COL11A1: variants seen among roughly 807,000 people sequenced by gnomAD.
COL11A1 encodes collagen alpha-1(XI) chain.
In COL11A1, 74 loss-of-function variants were observed where a neutral mutation model predicts 265.2. The ratio of observed to expected loss-of-function variants is 0.28; its 90% CI spans 0.23 to 0.34. The LOEUF (loss-of-function observed/expected upper bound fraction) is 0.34. Ranked by LOEUF, COL11A1 falls within the 10% of genes least tolerant of loss-of-function variation. The probability of loss-of-function intolerance (pLI) is 1.00; values close to 1 mark genes in which losing one functional copy is unlikely to be tolerated. For missense variants in COL11A1, 2,165 were observed against 2,263.6 expected (o/e 0.96, Z 0.88); for synonymous variants, 816 against 727.6 (o/e 1.12, Z -1.96).
chr1:102,921,470 A>G lies in COL11A1; in HGVS notation c.3708+48T>C, dbSNP rs772001670. The stretch of plus-strand genomic sequence containing the variant: ...AAAGAGCATCTGCTATAAAATAACA[A>G]TACCTATATAACTTCAAAATAATTA... On this transcript the variant is annotated intron_variant, in intron 48 of 66. Transcript: ENST00000370096. 5.0e-6 allele frequency: 7 copies of G among 1,413,510 alleles called. No individual in the cohort carries two copies. The Admixed American group carries it at 8.6e-5, about 17-fold the overall frequency. The allele number at this position is 1,413,510 out of a possible 1,614,324, so 87.6% of individuals were successfully genotyped here.
rs1053300791 is a variant in COL11A1 at position 102,902,640 on chromosome 1, C to T, written c.4087-3646G>A. Among the ~76,000 whole-genome samples the T allele has an allele frequency of 4.6e-5, 7 of 151,838 alleles. 1 individual carries two copies. In the Middle Eastern group the frequency reaches 0.01, roughly 223 times the overall value. On this transcript the variant is annotated intron_variant, in intron 54 of 66. Coordinates refer to ENST00000370096, the MANE Select transcript of COL11A1 (RefSeq NM_001854.4). ...ATGCAGACCTTGTTTTCATAATGACCTTACTTGGAAGGCACAGTTTTGTAC... is the reference window on the plus strand; with the variant it reads ...ATGCAGACCTTGTTTTCATAATGACTTTACTTGGAAGGCACAGTTTTGTAC...
chr1:103,015,522 G>T (rs745586956), intron 12 of COL11A1, 146 bp downstream of exon 12: 1 of 578,722 alleles, frequency 1.7e-6, no homozygotes, highest in Non-Finnish European at 2.9e-6. Context: ...AAATTTCCCT[G>T]AATTTCCAAA....
intron 31 of COL11A1, 90 bp downstream of exon 31, chr1:102,984,048 A>G: frequency 2.1e-6 from 2 of 935,220 alleles, no homozygotes; most frequent in South Asian, 1.4e-5. Flanking sequence ...TCATGATAAT[A>G]TAGAGATGTT....
Position 102,914,359 on chromosome 1 carries a change from C to G in COL11A1, c.3971G>C (p.Gly1324Ala). ...TTTTTCCCTGATACTTACTGCAGGG[C>G]CAGGTTCCCCAGGAGGACCAGGATC... ...PGDPGPPGEP[G>A]PAGQDGVGGD... is the part of the protein sequence containing the mutation. Residue 1324 changes from glycine (G) to alanine (A), a missense_variant, in exon 52 of 67, where the codon GGC (glycine) becomes GCC (alanine). Physicochemically the swap from Gly to Ala is moderately conservative, Grantham distance 60. Transcript: ENST00000370096. 2 of 1,607,382 alleles carry G rather than the reference C, an allele frequency of 1.2e-6. No homozygotes were observed. The highest frequency in any genetic ancestry group is 1.7e-6 in the Non-Finnish European group (2 of 1,175,350).
chr1:102,966,745 ATG>A (rs1661438229), intron 37 of COL11A1, among the ~76,000 whole-genome samples: 1 of 152,152 alleles, frequency 6.6e-6, no homozygotes, highest in Non-Finnish European at 1.5e-5. Context: ...GCATATGTGT[ATG>A]TGTGTCCCTG....
chr1:102,959,752 T>C (rs1244564578), intron 41 of COL11A1, among the ~76,000 whole-genome samples: 3 of 152,204 alleles, frequency 2.0e-5, no homozygotes, highest in South Asian at 4.1e-4. Context: ...ATATTTCAAT[T>C]AACATTTTGA....
intron 42 of COL11A1, among the ~76,000 whole-genome samples, chr1:102,945,997 A>G (rs1242843316): frequency 4.9e-5 from 7 of 143,762 alleles, no homozygotes; most frequent in South Asian, 2.4e-4. Flanking sequence ...CTATGCAGCC[A>G]TAAAAAATGA....
rs1654945230 is a variant in COL11A1, at chr1:102,913,514, T to C, written c.4032+123A>G. 3.3e-6 allele frequency: 3 copies of C among 898,710 alleles called. No individual in the cohort carries two copies. In the East Asian group the frequency reaches 7.5e-5, roughly 23 times the overall value. 55.7% of individuals were successfully genotyped at this position (898,710 alleles called of 1,614,324 possible). ...GGGAATTCAAAAATTTTTTTGATAA[T>C]TCTTTCAAAAAAGTGCATATACATA... On this transcript the variant is annotated intron_variant, in intron 53 of 66. Transcript: ENST00000370096.
chr1:102,988,122 C>A (rs1388862802), intron 29 of COL11A1, among the ~76,000 whole-genome samples: 2 of 152,092 alleles, frequency 1.3e-5, no homozygotes, highest in Non-Finnish European at 2.9e-5. Context: ...CTACGTAGAA[C>A]ATAAGATTAG....
chr1:102,965,552 A>G lies in COL11A1; in HGVS notation c.2863-12T>C. ...TTGCCTTGAAATCCCTAAGGAGGCAAAGTATTATTTGTAAAAGCTACATAC... is the reference window on the plus strand; with the variant it reads ...TTGCCTTGAAATCCCTAAGGAGGCAGAGTATTATTTGTAAAAGCTACATAC... On this transcript the variant is annotated splice_polypyrimidine_tract_variant and intron_variant, in intron 37 of 66. Transcript: ENST00000370096. 6.2e-7 allele frequency: 1 copy of G among 1,612,352 alleles called. No homozygotes were observed. The highest frequency in any genetic ancestry group is 8.5e-7 in the Non-Finnish European group (1 of 1,178,554).
At chr1:103,000,636 A>G (rs1665017701) in intron 24 of COL11A1, among the ~76,000 whole-genome samples, 1 of 151,976 alleles carries the variant, frequency 6.6e-6, no homozygotes, top group Non-Finnish European at 1.5e-5. Context: ...TGCAGAAATG[A>G]CTATCCTCAT....
chr1:102,944,338 C>A (rs922826525), intron 42 of COL11A1, among the ~76,000 whole-genome samples: 10 of 152,092 alleles, frequency 6.6e-5, no homozygotes, highest in South Asian at 2.1e-4. Flanking sequence ...ACTCTTATTA[C>A]CCACTTTATG....
chr1:102,920,464 A>G (rs1655857014), intron 48 of COL11A1, 100 bp from the exon 49 acceptor site: 2 of 974,534 alleles, frequency 2.1e-6, no homozygotes, highest in Non-Finnish European at 3.3e-6. Context: ...AAATAGATGC[A>G]TGAGTATTCT....
At chr1:102,891,474 T>C (rs1216002111) in intron 57 of COL11A1, among the ~76,000 whole-genome samples, 1 of 152,060 alleles carries the variant, frequency 6.6e-6, no homozygotes, top group Non-Finnish European at 1.5e-5. Flanking sequence ...TTAACTTACA[T>C]TCTATGAAAA....
At chr1:103,003,473 C>T (rs537268765) in intron 20 of COL11A1, among the ~76,000 whole-genome samples, 9 of 152,032 alleles carry the variant, frequency 5.9e-5, no homozygotes, top group African/African-American at 1.9e-4. Context: ...GTTTTTAGTA[C>T]AGAAACTGTG....
At position 102,877,779 on chromosome 1, in the gene COL11A1, T is replaced by C. The variant is rs886044972; in HGVS notation, c.*240A>G. The C allele has an allele frequency of 1.2e-5, 5 of 425,500 alleles. No individual in the cohort carries two copies. The highest frequency in any genetic ancestry group is 6.4e-4 in the Middle Eastern group (1 of 1,558). The allele number at this position is 425,500 out of a possible 1,614,324, so 26.4% of individuals were successfully genotyped here. ...CAAATAGGAAAAGGAGAGTTGAGAA[T>C]TGGGAATCAAGAATCAGCCCTGTTT... On this transcript the variant is annotated 3_prime_UTR_variant, in exon 67 of 67. Transcript: ENST00000370096.
chr1:103,024,954 A>G (rs1026225991), intron 7 of COL11A1, among the ~76,000 whole-genome samples: 2 of 152,154 alleles, frequency 1.3e-5, no homozygotes, highest in Admixed American at 1.3e-4. Context: ...TTTTACCTAC[A>G]TGTACTTAAA....
At chr1:102,998,862 A>G (rs1249760557) in intron 24 of COL11A1, among the ~76,000 whole-genome samples, 1 of 151,930 alleles carries the variant, frequency 6.6e-6, no homozygotes, top group Non-Finnish European at 1.5e-5. Flanking sequence ...AAGTAAATCG[A>G]TTTTAATGTA....
chr1:103,055,540 A>C (rs1213168767), intron 4 of COL11A1, among the ~76,000 whole-genome samples: 3 of 152,236 alleles, frequency 2.0e-5, no homozygotes, highest in Admixed American at 1.3e-4. Flanking sequence ...AGGAGGATTC[A>C]GACTTAACTG....
Sources: allele counts gnomAD v4.1 joint callset (sites outside exome capture counted in the v4.1 genomes callset), GRCh38; gene constraint gnomAD v4.1.1; transcripts MANE v1.5; gene names NCBI Gene and HGNC (gene_info 2026-07-23, HGNC 2026-07-21).